Variants in KCNIP4 observed in about 807,000 individuals in gnomAD.
KCNIP4 encodes the protein Kv channel-interacting protein 4.
In KCNIP4, 12 loss-of-function variants were observed where a neutral mutation model predicts 34.0. The ratio of observed to expected loss-of-function variants is 0.35; its 90% confidence interval spans 0.23 to 0.57. KCNIP4 has a LOEUF of 0.57. Among genes scored for constraint, KCNIP4 ranks in the 20% least tolerant of loss-of-function variants. The pLI is 0.83. For synonymous variants in KCNIP4, 124 were observed against 102.2 expected, an observed-to-expected ratio of 1.21 and a Z score of -1.29; for missense variants, 238 against 311.7, an observed-to-expected ratio of 0.76 and a Z score of 1.78.
intron 1 of KCNIP4, among the ~76,000 whole-genome samples, chr4:21,797,471 GT>G (rs71193408): frequency 0.088 from 13,219 of 149,586 alleles, 678 homozygotes; most frequent in Middle Eastern, 0.14. Flanking sequence ...AAAAACATCA[GT>G]TTTTTTTTTT....
At chr4:20,827,263 G>A (rs765991222) in intron 3 of KCNIP4, among the ~76,000 whole-genome samples, 47 of 152,146 alleles carry the variant, frequency 3.1e-4, no homozygotes, top group Non-Finnish European at 6.3e-4. Context: ...CACGGACTGG[G>A]TGGCTGAAAC....
chr4:21,153,096 T>G (rs1752877131), intron 1 of KCNIP4, among the ~76,000 whole-genome samples: 1 of 152,130 alleles, frequency 6.6e-6, no homozygotes, highest in Non-Finnish European at 1.5e-5. Flanking sequence ...CCTAATTAAC[T>G]CCTTAAACAC....
At chr4:20,789,377 CA>C (rs1712433770) in intron 3 of KCNIP4, among the ~76,000 whole-genome samples, 1 of 151,728 alleles carries the variant, frequency 6.6e-6, no homozygotes, top group Non-Finnish European at 1.5e-5. Flanking sequence ...GCTTCACAGA[CA>C]AAAAAAGAAA....
chr4:21,213,319 T>C (rs558926080), intron 1 of KCNIP4, among the ~76,000 whole-genome samples: 5 of 152,238 alleles, frequency 3.3e-5, no homozygotes, highest in Admixed American at 1.3e-4. Flanking sequence ...TTGATTTTTT[T>C]GAGATGGGAT....
chr4:20,809,596 C>T (rs1442721192), intron 3 of KCNIP4, among the ~76,000 whole-genome samples: 1 of 152,132 alleles, frequency 6.6e-6, no homozygotes, highest in Non-Finnish European at 1.5e-5. Context: ...ATATGTTTTC[C>T]ACCTTTTCTG....
At chr4:20,738,929 C>T (rs1750366227) in intron 5 of KCNIP4, among the ~76,000 whole-genome samples, 1 of 152,180 alleles carries the variant, frequency 6.6e-6, no homozygotes, top group African/African-American at 2.4e-5. Context: ...AACGGCACAC[C>T]AGGAGATTAT....
chr4:21,108,896 G>A (rs1249584465), intron 1 of KCNIP4, among the ~76,000 whole-genome samples: 3 of 152,176 alleles, frequency 2.0e-5, no homozygotes, highest in Non-Finnish European at 2.9e-5. Flanking sequence ...AACAGCAGTG[G>A]TGGCTGCAGA....
intron 1 of KCNIP4, among the ~76,000 whole-genome samples, chr4:21,421,183 G>T (rs1193500379): frequency 6.6e-6 from 1 of 152,066 alleles, no homozygotes; most frequent in African/African-American, 2.4e-5. Flanking sequence ...GCACACTGTT[G>T]GTGGGAATGT....
intron 1 of KCNIP4, among the ~76,000 whole-genome samples, chr4:21,407,069 T>C (rs982224468): frequency 6.6e-6 from 1 of 152,286 alleles, no homozygotes; most frequent in East Asian, 1.9e-4. Flanking sequence ...CCTTAAATGA[T>C]TTTTATGACC....
intron 1 of KCNIP4, among the ~76,000 whole-genome samples, chr4:21,812,833 G>A (rs1185811097): frequency 1.3e-5 from 2 of 152,106 alleles, no homozygotes; most frequent in African/African-American, 4.8e-5. Context: ...TTTACCTACT[G>A]TCTCACCCAG....
chr4:21,346,907 C>T (rs1717489711), intron 1 of KCNIP4, among the ~76,000 whole-genome samples: 1 of 152,120 alleles, frequency 6.6e-6, no homozygotes. Flanking sequence ...ATCAAACCAC[C>T]AAATCAACAT....
At chr4:21,662,974 T>C (rs1748561293) in intron 1 of KCNIP4, among the ~76,000 whole-genome samples, 1 of 152,200 alleles carries the variant, frequency 6.6e-6, no homozygotes, top group African/African-American at 2.4e-5. Context: ...CTATTGATCA[T>C]TTTCTTAGAA....
intron 1 of KCNIP4, among the ~76,000 whole-genome samples, chr4:21,347,278 A>C (rs1403433524): frequency 6.6e-6 from 1 of 152,190 alleles, no homozygotes; most frequent in East Asian, 1.9e-4. Context: ...GGCTAGAGGA[A>C]CCAAAGGAGC....
intron 1 of KCNIP4, among the ~76,000 whole-genome samples, chr4:21,547,084 C>G (rs780253778): frequency 6.6e-6 from 1 of 152,084 alleles, no homozygotes; most frequent in Non-Finnish European, 1.5e-5. Flanking sequence ...TGTGATCAAA[C>G]CATGCCCCTG....
Position 21,103,590 on chromosome 4 carries a change from T to C in KCNIP4, c.62-220881A>G, listed in dbSNP as rs568901425. ...GAGCATTTTTTACTTTATTTTATTT[T>C]ATTATTATTATACTTTAAGTTTTAG... On this transcript the variant is annotated intron_variant, in intron 1 of 8. Coordinates refer to ENST00000382152, the MANE Select transcript of KCNIP4 (RefSeq NM_025221.6). Among the ~76,000 whole-genome samples, 14 of 151,652 alleles carry C rather than the reference T, an allele frequency of 9.2e-5. 1 individual carries two copies. The South Asian group carries it at 2.9e-3, about 32-fold the overall frequency.
chr4:21,226,066 A>G (rs369168161), intron 1 of KCNIP4, among the ~76,000 whole-genome samples: 12 of 151,850 alleles, frequency 7.9e-5, no homozygotes, highest in Admixed American at 2.0e-4. Context: ...TTCGAACTCT[A>G]TAAGGCAGAT....
intron 1 of KCNIP4, among the ~76,000 whole-genome samples, chr4:21,124,273 T>A (rs962783257): frequency 1.3e-5 from 2 of 152,174 alleles, no homozygotes; most frequent in Non-Finnish European, 2.9e-5. Context: ...TGTATTAATA[T>A]TATTATGAAA....
At chr4:21,607,673 T>G (rs1362604456) in intron 1 of KCNIP4, among the ~76,000 whole-genome samples, 1 of 152,024 alleles carries the variant, frequency 6.6e-6, no homozygotes, top group East Asian at 2.0e-4. Flanking sequence ...TCTGTAGCTC[T>G]GCCAGTTTTC....
chr4:21,907,288 C>G (rs1289726063), intron 1 of KCNIP4, among the ~76,000 whole-genome samples: 5 of 152,132 alleles, frequency 3.3e-5, no homozygotes, highest in Admixed American at 3.3e-4. Context: ...TGCTATAAAG[C>G]AAGGCCGCCC....
Sources: gnomAD v4.1 joint callset for allele counts (sites outside exome capture counted in the v4.1 genomes callset) on GRCh38, gnomAD v4.1.1 for gene constraint, MANE v1.5 for transcripts, NCBI Gene and HGNC (gene_info 2026-07-23, HGNC 2026-07-21) for gene names.